MMP2: variants seen among roughly 807,000 people sequenced by gnomAD.
The protein encoded by MMP2 is 72 kDa type IV collagenase.
A neutral mutation model predicts 74.8 loss-of-function variants in MMP2; 39 were observed. The observed-to-expected ratio is 0.52, with a 90% CI of 0.40 to 0.68. The LOEUF (loss-of-function observed/expected upper bound fraction) is 0.68. Ranked by LOEUF, MMP2 falls within the 30% of genes least tolerant of loss-of-function variation. MMP2 has a pLI of 0.00. For missense variants in MMP2, 803 were observed against 878.3 expected (o/e 0.91, Z 1.08); for synonymous variants, 367 against 339.8 (o/e 1.08, Z -0.88).
chr16:55,503,819 G>C (rs1962728618), intron 12 of MMP2, among the ~76,000 whole-genome samples: 2 of 152,116 alleles, frequency 1.3e-5, no homozygotes, highest in African/African-American at 4.8e-5. Flanking sequence ...ATTTACAGGA[G>C]ACACTTTCTT....
At position 55,494,526 on chromosome 16, in the gene MMP2, C is replaced by T. The variant is rs901921988; in HGVS notation, c.1472+1233C>T. On this transcript the variant is annotated intron_variant, in intron 9 of 12. Coordinates refer to ENST00000219070, the MANE Select transcript of MMP2 (RefSeq NM_004530.6). ...CTCGGGACAGTGGGGTGGGGGGCTGCTAGATCAGTGTTCTCAAAGACAGGC... is the reference window on the plus strand; with the variant it reads ...CTCGGGACAGTGGGGTGGGGGGCTGTTAGATCAGTGTTCTCAAAGACAGGC... Among the ~76,000 whole-genome samples the T allele has an allele frequency of 2.0e-5, 3 of 152,236 alleles. No homozygotes were observed. In the East Asian group the frequency reaches 5.8e-4, roughly 29 times the overall value.
Position 55,485,586 on chromosome 16 carries a change from T to C in MMP2, c.659-18T>C. 6.2e-7 allele frequency: 1 copy of C among 1,614,056 alleles called. No homozygotes were observed. Among genetic ancestry groups the C allele is most frequent in the Non-Finnish European group, 8.5e-7 (1 of 1,179,960 alleles). ...GGCCTGGAGAAGTCCAACCTCCCCC[T>C]TCCATGTCACTCTTTAGTGGTCCGT... On this transcript the variant is annotated intron_variant, in intron 4 of 12. Transcript: ENST00000219070.
At chr16:55,488,771 A>G (rs952120038) in intron 6 of MMP2, 55 bp downstream of exon 6, 2 of 1,536,612 alleles carry the variant, frequency 1.3e-6, no homozygotes, top group Admixed American at 2.0e-5. Context: ...GTCTGACAAA[A>G]AAAAAACCCA....
At chr16:55,502,934 T>C in intron 12 of MMP2, 46 bp downstream of exon 12, 1 of 1,466,172 alleles carries the variant, frequency 6.8e-7, no homozygotes, top group Non-Finnish European at 9.5e-7. Context: ...TCCCCGCCCC[T>C]AGCCAGGGCC....
At position 55,484,109 on chromosome 16, in the gene MMP2, G is replaced by T. The variant is rs144932826; in HGVS notation, c.474G>T (p.Arg158=). 27 of 1,614,188 alleles carry T rather than the reference G, an allele frequency of 1.7e-5. No individual in the cohort carries two copies. In the African/African-American group the frequency reaches 3.2e-4, roughly 19 times the overall value. ...FQVWSDVTPL[R]FSRIHDGEAD... ...TCTGGAGCGATGTGACCCCACTGCG[G>T]TTTTCTCGAATCCATGATGGAGAGG... The change falls in exon 3 of 13, where the codon CGG becomes CGT. Residue 158 remains arginine, a synonymous_variant. Coordinates refer to ENST00000219070, the MANE Select transcript of MMP2 (RefSeq NM_004530.6).
chr16:55,505,216 A>C, intron 12 of MMP2, 123 bp from the exon 13 acceptor site: 1 of 884,654 alleles, frequency 1.1e-6, no homozygotes, highest in Non-Finnish European at 1.9e-6. Context: ...CAGCCTTTCA[A>C]AGCTCTCTTC....
At chr16:55,502,570 G>A (rs1041348970) in intron 11 of MMP2, among the ~76,000 whole-genome samples, 1 of 152,164 alleles carries the variant, frequency 6.6e-6, no homozygotes, top group African/African-American at 2.4e-5. Context: ...GTCATCCAAA[G>A]TCATATAATT....
chr16:55,499,023 G>T (rs1962600302), intron 11 of MMP2, among the ~76,000 whole-genome samples: 1 of 152,070 alleles, frequency 6.6e-6, no homozygotes, highest in Non-Finnish European at 1.5e-5. Context: ...AAAAAAATTA[G>T]CTGGACATGG....
intron 7 of MMP2, among the ~76,000 whole-genome samples, chr16:55,490,935 T>C (rs1234666036): frequency 6.6e-6 from 1 of 152,150 alleles, no homozygotes; most frequent in Non-Finnish European, 1.5e-5. Flanking sequence ...CCATGTATTC[T>C]TTCATGCTTC....
chr16:55,485,929 A>T, intron 5 of MMP2, 152 bp downstream of exon 5: 1 of 753,040 alleles, frequency 1.3e-6, no homozygotes, highest in South Asian at 1.6e-5. Flanking sequence ...GTTCCCCCCC[A>T]TCCTGATCTG....
At chr16:55,499,973 C>T (rs943770788) in intron 11 of MMP2, among the ~76,000 whole-genome samples, 43 of 152,084 alleles carry the variant, frequency 2.8e-4, no homozygotes, top group African/African-American at 8.7e-4. Context: ...AAAACAATCC[C>T]GCTTACTTCC....
rs1962106331 is a variant in MMP2 at position 55,481,675 on chromosome 16, T to C, written c.154-1234T>C. 3 of 540,610 alleles carry C rather than the reference T, an allele frequency of 5.5e-6. No homozygotes were observed. In the South Asian group the frequency reaches 9.2e-5, roughly 17 times the overall value. The allele number at this position is 540,610 out of a possible 1,614,324, so 33.5% of individuals were successfully genotyped here. ...ACCTCTGACAAATGGAAGTCTGTGTTGTCCAGAGGCAATGCAGTGGGGGCT... is the reference window on the plus strand; with the variant it reads ...ACCTCTGACAAATGGAAGTCTGTGTCGTCCAGAGGCAATGCAGTGGGGGCT... On this transcript the variant is annotated intron_variant, in intron 1 of 12. Coordinates refer to ENST00000219070, the MANE Select transcript of MMP2 (RefSeq NM_004530.6).
rs888637547 is a variant in MMP2, at chr16:55,506,277, G to C, written c.*835G>C. ...CTGTTTTAGCAGAGCCTAGACAAGG[G>C]CCACAGACCCAGCCAGAAGCGGAAA... On this transcript the variant is annotated 3_prime_UTR_variant, in exon 13 of 13. Coordinates refer to ENST00000219070, the MANE Select transcript of MMP2 (RefSeq NM_004530.6). 2 of 152,220 alleles carry C rather than the reference G, an allele frequency of 1.3e-5. No individual in the cohort carries two copies. The highest frequency in any genetic ancestry group is 2.9e-5 in the Non-Finnish European group (2 of 68,056). The allele number at this position is 152,220 out of a possible 1,614,324, so 9.4% of individuals were successfully genotyped here. A position where few individuals can be genotyped will look rare whatever the true frequency, so the allele number is the denominator to read the frequency against.
intron 6 of MMP2, 31 bp downstream of exon 6, chr16:55,488,747 G>A (rs1211228734): frequency 6.4e-7 from 1 of 1,565,332 alleles, no homozygotes; most frequent in Middle Eastern, 1.8e-4. Flanking sequence ...CTCCCTCAGG[G>A]CCCAGCACCT....
At chr16:55,485,083 T>C (rs537429604) in intron 3 of MMP2, among the ~76,000 whole-genome samples, 4 of 152,142 alleles carry the variant, frequency 2.6e-5, no homozygotes, top group African/African-American at 9.6e-5. Flanking sequence ...CTGGGAGTCA[T>C]GTAAACCTGG....
rs1962794534 is a variant in MMP2, at chr16:55,506,094, A to G, written c.*652A>G. 1 of 153,026 alleles carries G rather than the reference A, an allele frequency of 6.5e-6. No individual in the cohort carries two copies. Among genetic ancestry groups the G allele is most frequent in the Non-Finnish European group, 1.5e-5 (1 of 68,810 alleles). The allele number at this position is 153,026 out of a possible 1,614,324, so 9.5% of individuals were successfully genotyped here. A position where few individuals can be genotyped will look rare whatever the true frequency, so the allele number is the denominator to read the frequency against. ...TAGTGATGGTTCCCCTGTTCACTCT[A>G]CTTAGCATGTCCCTACCGAGTCTCT... On this transcript the variant is annotated 3_prime_UTR_variant, in exon 13 of 13. Transcript: ENST00000219070.
chr16:55,505,137 A>G lies in MMP2; in HGVS notation c.1880-202A>G, dbSNP rs17860017. ...CAGCTAATTTAAATATGTTTTTCGT[A>G]GAAATGGGGGTCTCTCTATGCTGCC... is the stretch of plus-strand genomic sequence containing the variant. On this transcript the variant is annotated intron_variant, in intron 12 of 12. Coordinates refer to ENST00000219070, the MANE Select transcript of MMP2 (RefSeq NM_004530.6). Among the ~76,000 whole-genome samples, 329 of 151,862 alleles carry G rather than the reference A, an allele frequency of 2.2e-3. 10 individuals carry two copies. In the South Asian group the frequency reaches 0.044, roughly 20 times the overall value.
chr16:55,486,616 C>A (rs1567375339), intron 5 of MMP2: 1 of 151,926 alleles, frequency 6.6e-6, no homozygotes, highest in Non-Finnish European at 1.5e-5. Context: ...ACACTCAATC[C>A]TTTTTAAAAA....
rs2142376942 is a variant in MMP2 at position 55,505,165 on chromosome 16, A to G, written c.1880-174A>G. On this transcript the variant is annotated intron_variant, in intron 12 of 12. Transcript: ENST00000219070. ...AATGGGGGTCTCTCTATGCTGCCCA[A>G]GCTGGTCTCGAACTCCTGGGCTCAA... 6.6e-6 allele frequency among the ~76,000 whole-genome samples: 1 copy of G among 151,866 alleles called. No homozygotes were observed. Among genetic ancestry groups the G allele is most frequent in the African/African-American group, 2.4e-5 (1 of 41,400 alleles).
Sources: allele counts gnomAD v4.1 joint callset (sites outside exome capture counted in the v4.1 genomes callset), GRCh38; gene constraint gnomAD v4.1.1; transcripts MANE v1.5; gene names NCBI Gene and HGNC (gene_info 2026-07-23, HGNC 2026-07-21).